CASQ2: variants seen among roughly 807,000 people sequenced by gnomAD.
The protein encoded by CASQ2 is calsequestrin-2.
A neutral mutation model predicts 46.5 loss-of-function variants in CASQ2; 49 were observed. The observed-to-expected ratio is 1.05, with a 90% CI of 0.84 to 1.34. The LOEUF is 1.34. Among genes scored for constraint, CASQ2 ranks in the 40% most tolerant of loss-of-function variants. The pLI, the probability that CASQ2 is intolerant of heterozygous loss-of-function variation, is 0.00. For missense variants in CASQ2, 486 were observed against 481.3 expected (o/e 1.01, Z -0.09); for synonymous variants, 174 against 168.5 (o/e 1.03, Z -0.25).
chr1:115,716,694 G>A (rs1266833653), intron 8 of CASQ2, among the ~76,000 whole-genome samples: 1 of 152,206 alleles, frequency 6.6e-6, no homozygotes, highest in East Asian at 1.9e-4. Context: ...AAATCAACTG[G>A]AGAAAAAAAT....
chr1:115,735,081 CAAG>C (rs1426173274), intron 4 of CASQ2, among the ~76,000 whole-genome samples: 1 of 152,142 alleles, frequency 6.6e-6, no homozygotes, highest in African/African-American at 2.4e-5. Flanking sequence ...GCTACAATGA[CAAG>C]AAAGTGTAAA....
At chr1:115,745,987 A>C (rs2101102514) in intron 1 of CASQ2, among the ~76,000 whole-genome samples, 1 of 152,266 alleles carries the variant, frequency 6.6e-6, no homozygotes, top group Non-Finnish European at 1.5e-5. Context: ...TCGTGTCCCT[A>C]TCCCCTCTTT....
At chr1:115,756,819 C>G (rs1193455578) in intron 1 of CASQ2, among the ~76,000 whole-genome samples, 1 of 152,026 alleles carries the variant, frequency 6.6e-6, no homozygotes, top group South Asian at 2.1e-4. Context: ...GGGTGGCACA[C>G]GCCTGTAGTC....
At chr1:115,726,954 A>AACCCCCGCCCCC in intron 6 of CASQ2, 38 bp downstream of exon 6, 1 of 1,108,066 alleles carries the variant, frequency 9.0e-7, no homozygotes, top group Non-Finnish European at 1.3e-6. Context: ...CATTCCCCAG[A>AACCCCCGCCCCC]CCCCAGGCCC....
chr1:115,721,294 C>G (rs1367158063), intron 7 of CASQ2, among the ~76,000 whole-genome samples: 16 of 152,136 alleles, frequency 1.1e-4, no homozygotes. Flanking sequence ...CAGATCAGCA[C>G]TGGGTCTCCT....
At chr1:115,767,875 T>G (rs1649187444) in intron 1 of CASQ2, among the ~76,000 whole-genome samples, 1 of 151,972 alleles carries the variant, frequency 6.6e-6, no homozygotes, top group Admixed American at 6.6e-5. Context: ...AGACGCAAGG[T>G]CAAGTAACTC....
chr1:115,709,306 G>T (rs533060131), intron 8 of CASQ2, among the ~76,000 whole-genome samples: 1 of 152,174 alleles, frequency 6.6e-6, no homozygotes, highest in Non-Finnish European at 1.5e-5. Context: ...GTAGGAAGCC[G>T]CATTTCACTT....
intron 7 of CASQ2, among the ~76,000 whole-genome samples, chr1:115,723,266 CT>C (rs1391034070): frequency 9.3e-6 from 1 of 107,324 alleles, no homozygotes; most frequent in Non-Finnish European, 2.0e-5. Flanking sequence ...ATCTATCTAT[CT>C]ATCTATCATC....
chr1:115,736,218 C>T (rs183312083), intron 4 of CASQ2, among the ~76,000 whole-genome samples: 1 of 151,484 alleles, frequency 6.6e-6, no homozygotes, highest in Non-Finnish European at 1.5e-5. Flanking sequence ...CCATTTGTCA[C>T]TATCCACATA....
At chr1:115,715,072 G>A (rs1381802381) in intron 8 of CASQ2, among the ~76,000 whole-genome samples, 2 of 152,366 alleles carry the variant, frequency 1.3e-5, no homozygotes, top group East Asian at 3.9e-4. Context: ...GTGAGGTGGG[G>A]AAGGAGCCCT....
At position 115,723,305 on chromosome 1, in the gene CASQ2, TTATCTATC is replaced by T. The variant is rs58680506; in HGVS notation, c.783+2195_783+2202del. Among the ~76,000 whole-genome samples the T allele has an allele frequency of 2.0e-4, 30 of 148,746 alleles. 1 individual carries two copies. Among genetic ancestry groups the T allele is most frequent in the South Asian group, 1.3e-3 (6 of 4,624 alleles). On this transcript the variant is annotated intron_variant, in intron 7 of 10. Transcript: ENST00000261448. Reference sequence around the variant, plus strand: ...TCTATATCTCTCTATATCTATCTATTTATCTATCTATCTATCTATCTATCTATCTATCA... The same window carrying T: ...TCTATATCTCTCTATATCTATCTATTTATCTATCTATCTATCTATCTATCA...
intron 7 of CASQ2, among the ~76,000 whole-genome samples, chr1:115,724,772 C>A (rs1367734128): frequency 6.6e-6 from 1 of 152,172 alleles, no homozygotes; most frequent in African/African-American, 2.4e-5. Flanking sequence ...TATAAAAAGT[C>A]CCAATTTTAG....
intron 1 of CASQ2, among the ~76,000 whole-genome samples, chr1:115,748,559 C>T (rs924359308): frequency 2.2e-4 from 14 of 62,910 alleles, no homozygotes; most frequent in African/African-American, 7.8e-4. Flanking sequence ...TTTTATTTTG[C>T]CTGTAACTAG....
chr1:115,744,770 C>A, intron 2 of CASQ2, 58 bp downstream of exon 2: 5 of 1,185,388 alleles, frequency 4.2e-6, no homozygotes, highest in Non-Finnish European at 6.3e-6. Context: ...TGTACTTTTC[C>A]TTTTGCAAGA....
At chr1:115,733,077 T>C (rs1414623747) in intron 4 of CASQ2, 103 bp from the exon 5 acceptor site, 11 of 764,824 alleles carry the variant, frequency 1.4e-5, no homozygotes, top group South Asian at 4.8e-5. Flanking sequence ...TTAATCCTGA[T>C]TGGATAATAA....
In CASQ2 at chr1:115,701,149, G is replaced by T. The variant is rs1469881962; in HGVS notation, c.*92C>A. 13 of 1,601,304 alleles carry T rather than the reference G, an allele frequency of 8.1e-6. No individual in the cohort carries two copies. Among genetic ancestry groups the T allele is most frequent in the African/African-American group, 1.3e-5 (1 of 74,656 alleles). ...TGGAAAAGGGAAAGGAGCTGGCTGG[G>T]TGTGGGGCAGAATTGCTTGCTGCCA... On this transcript the variant is annotated 3_prime_UTR_variant, in exon 11 of 11. Transcript: ENST00000261448.
chr1:115,712,996 T>A (rs1654597611), intron 8 of CASQ2, among the ~76,000 whole-genome samples: 2 of 152,098 alleles, frequency 1.3e-5, no homozygotes, highest in African/African-American at 2.4e-5. Context: ...CCTGAAGCAG[T>A]GGAAGCTTGG....
At chr1:115,746,161 GT>G (rs34688602) in intron 1 of CASQ2, among the ~76,000 whole-genome samples, 142 of 149,130 alleles carry the variant, frequency 9.5e-4, no homozygotes, top group African/African-American at 3.2e-3. Flanking sequence ...TCGATACGCT[GT>G]TTTTTTTTTT....
Position 115,706,631 on chromosome 1 carries a change from C to T in CASQ2, c.839-1339G>A, listed in dbSNP as rs528765018. 2.0e-5 allele frequency among the ~76,000 whole-genome samples: 3 copies of T among 152,342 alleles called. No homozygotes were observed. In the East Asian group the frequency reaches 5.8e-4, roughly 29 times the overall value. On this transcript the variant is annotated intron_variant, in intron 8 of 10. Coordinates refer to ENST00000261448, the MANE Select transcript of CASQ2 (RefSeq NM_001232.4). ...AGTTCTAAATAATAAAGTTACATTT[C>T]TTGCATAGCTGAATTTGTGGCTTGA... is the stretch of plus-strand genomic sequence containing the variant.
Sources: gnomAD v4.1 joint callset for allele counts (sites outside exome capture counted in the v4.1 genomes callset) on GRCh38, gnomAD v4.1.1 for gene constraint, MANE v1.5 for transcripts, NCBI Gene and HGNC (gene_info 2026-07-23, HGNC 2026-07-21) for gene names.